CORIN: variants seen among roughly 807,000 people sequenced by gnomAD.
CORIN encodes atrial natriuretic peptide-converting enzyme.
Under a neutral mutation model 125.3 loss-of-function variants are expected in CORIN, and 117 were observed. That is an observed-to-expected ratio of 0.93 (90% CI 0.80 to 1.09). The LOEUF is 1.09. Among genes scored for constraint, CORIN ranks in the 50% least tolerant of loss-of-function variants. The pLI, the probability that CORIN is intolerant of heterozygous loss-of-function variation, is 0.00. For missense variants in CORIN, 1,253 were observed against 1,306.7 expected (o/e 0.96, Z 0.63); for synonymous variants, 450 against 466.4 (o/e 0.96, Z 0.45).
At chr4:47,822,366 C>T (rs1732555778) in intron 1 of CORIN, among the ~76,000 whole-genome samples, 1 of 152,194 alleles carries the variant, frequency 6.6e-6, no homozygotes, top group Non-Finnish European at 1.5e-5. Flanking sequence ...CTAAACACAA[C>T]ACAGCCATTA....
At chr4:47,765,140 T>C (rs139775745) in intron 3 of CORIN, among the ~76,000 whole-genome samples, 11 of 151,878 alleles carry the variant, frequency 7.2e-5, no homozygotes, top group African/African-American at 2.4e-4. Context: ...TGAAACCCCA[T>C]CTCTACTAAA....
intron 4 of CORIN, among the ~76,000 whole-genome samples, chr4:47,755,492 C>A (rs931530777): frequency 2.6e-5 from 4 of 152,084 alleles, no homozygotes; most frequent in Non-Finnish European, 5.9e-5. Context: ...AACTTTAATG[C>A]TAAAATTTTC....
intron 3 of CORIN, among the ~76,000 whole-genome samples, chr4:47,781,216 T>C (rs754831676): frequency 6.6e-6 from 1 of 152,092 alleles, no homozygotes; most frequent in South Asian, 2.1e-4. Flanking sequence ...CACAAATAGG[T>C]TGTAAGTGAA....
chr4:47,774,342 TGCACTCCCGG>T (rs1730193126), intron 3 of CORIN, among the ~76,000 whole-genome samples: 1 of 152,146 alleles, frequency 6.6e-6, no homozygotes, highest in South Asian at 2.1e-4. Flanking sequence ...GCAGGAGCCC[TGCACTCCCGG>T]GTGTGAAAGT....
chr4:47,612,518 T>G (rs1560472156), intron 19 of CORIN, among the ~76,000 whole-genome samples: 2 of 152,238 alleles, frequency 1.3e-5, no homozygotes, highest in Admixed American at 6.5e-5. Flanking sequence ...TTCTACACAC[T>G]TTATTCCAAA....
intron 1 of CORIN, among the ~76,000 whole-genome samples, chr4:47,830,276 A>G (rs1184911088): frequency 1.3e-5 from 2 of 152,000 alleles, no homozygotes; most frequent in Non-Finnish European, 2.9e-5. Flanking sequence ...TGAGTACCAG[A>G]TTAATTAATT....
intron 16 of CORIN, among the ~76,000 whole-genome samples, chr4:47,629,514 A>G (rs1462098483): frequency 2.0e-5 from 3 of 152,208 alleles, no homozygotes; most frequent in Non-Finnish European, 4.4e-5. Flanking sequence ...AGAAAAATAT[A>G]TCGACAATTA....
At chr4:47,740,942 A>G (rs1728365032) in intron 5 of CORIN, among the ~76,000 whole-genome samples, 2 of 152,004 alleles carry the variant, frequency 1.3e-5, no homozygotes, top group African/African-American at 4.8e-5. Context: ...AACATACAGA[A>G]AAGTTAATTT....
intron 5 of CORIN, among the ~76,000 whole-genome samples, chr4:47,704,693 G>A (rs1159208007): frequency 1.3e-5 from 2 of 152,132 alleles, no homozygotes; most frequent in Non-Finnish European, 2.9e-5. Context: ...AATTTGAGCA[G>A]ATACAGAGTC....
At chr4:47,607,976 T>C (rs1230230466) in intron 19 of CORIN, among the ~76,000 whole-genome samples, 1 of 150,320 alleles carries the variant, frequency 6.7e-6, no homozygotes, top group African/African-American at 2.4e-5. Flanking sequence ...AAAGTACCAT[T>C]GGAGAAACAC....
intron 3 of CORIN, among the ~76,000 whole-genome samples, chr4:47,767,429 C>T (rs1412158538): frequency 1.3e-5 from 2 of 151,926 alleles, no homozygotes; most frequent in African/African-American, 4.8e-5. Context: ...ACTGAGAAAG[C>T]TGGTATGGCT....
At chr4:47,697,281 G>C (rs896362539) in intron 5 of CORIN, among the ~76,000 whole-genome samples, 15 of 152,164 alleles carry the variant, frequency 9.9e-5, no homozygotes, top group Non-Finnish European at 2.1e-4. Flanking sequence ...GAAAATCTAA[G>C]GGTGTGCTCA....
intron 5 of CORIN, among the ~76,000 whole-genome samples, chr4:47,737,250 G>T (rs1728174344): frequency 6.6e-6 from 1 of 152,208 alleles, no homozygotes; most frequent in South Asian, 2.1e-4. Flanking sequence ...GGCCCCATAT[G>T]TGCCTAGTGA....
At chr4:47,734,962 T>A (rs1344718488) in intron 5 of CORIN, among the ~76,000 whole-genome samples, 2 of 152,192 alleles carry the variant, frequency 1.3e-5, no homozygotes, top group Admixed American at 1.3e-4. Flanking sequence ...AAAATTATGG[T>A]CATCATAATT....
intron 1 of CORIN, among the ~76,000 whole-genome samples, chr4:47,817,784 C>T (rs1052759944): frequency 6.6e-6 from 1 of 152,148 alleles, no homozygotes; most frequent in Admixed American, 6.5e-5. Flanking sequence ...CCTTAAGATG[C>T]ACAGAATTTG....
intron 5 of CORIN, among the ~76,000 whole-genome samples, chr4:47,708,116 A>G (rs1726663248): frequency 6.6e-6 from 1 of 152,186 alleles, no homozygotes; most frequent in Non-Finnish European, 1.5e-5. Flanking sequence ...GTTAATATCA[A>G]TGCTCAAGAG....
chr4:47,823,208 T>A (rs1160852388), intron 1 of CORIN, among the ~76,000 whole-genome samples: 1 of 152,246 alleles, frequency 6.6e-6, no homozygotes, highest in Non-Finnish European at 1.5e-5. Context: ...TTTACTTAGA[T>A]CCTCAATTTG....
chr4:47,795,718 T>A (rs1731259967), intron 2 of CORIN, among the ~76,000 whole-genome samples: 1 of 151,900 alleles, frequency 6.6e-6, no homozygotes, highest in Non-Finnish European at 1.5e-5. Flanking sequence ...CAAGAGTTAA[T>A]ATTCAAAATA....
At chr4:47,758,204 C>T (rs576050853) in intron 4 of CORIN, among the ~76,000 whole-genome samples, 6 of 151,998 alleles carry the variant, frequency 3.9e-5, no homozygotes, top group East Asian at 3.9e-4. Context: ...TGAGCCACCA[C>T]GCCCAGCCTG....
Sources: allele counts gnomAD v4.1 joint callset (sites outside exome capture counted in the v4.1 genomes callset), GRCh38; gene constraint gnomAD v4.1.1; transcripts MANE v1.5; gene names NCBI Gene and HGNC (gene_info 2026-07-23, HGNC 2026-07-21).